THSD7B: variants seen among roughly 807,000 people sequenced by gnomAD.
The protein encoded by THSD7B is thrombospondin type 1 domain containing 7B, also known as thrombospondin type-1 domain-containing protein 7B.
A neutral mutation model predicts 213.6 loss-of-function variants in THSD7B; 138 were observed. The ratio of observed to expected loss-of-function variants is 0.65; its 90% CI spans 0.56 to 0.74. The LOEUF is 0.74. Among genes scored for constraint, THSD7B ranks in the 30% least tolerant of loss-of-function variants. The pLI, the probability that THSD7B is intolerant of heterozygous loss-of-function variation, is 0.00. For synonymous variants in THSD7B, 742 were observed against 687.0 expected (o/e 1.08, Z -1.25); for missense variants, 1,931 against 1,991.5 (o/e 0.97, Z 0.58).
chr2:137,518,477 T>C (rs1478471258), intron 15 of THSD7B, among the ~76,000 whole-genome samples: 1 of 152,172 alleles, frequency 6.6e-6, no homozygotes, highest in Non-Finnish European at 1.5e-5. Context: ...GTCAGGGATG[T>C]GGAAGAAGCA....
At chr2:137,644,648 T>C (rs1318293545) in intron 21 of THSD7B, among the ~76,000 whole-genome samples, 1 of 152,228 alleles carries the variant, frequency 6.6e-6, no homozygotes, top group Admixed American at 6.5e-5. Context: ...TAAATTTATA[T>C]ATAAGCTGGA....
chr2:136,842,700 C>T (rs916652476), intron 1 of THSD7B, among the ~76,000 whole-genome samples: 2 of 152,092 alleles, frequency 1.3e-5, no homozygotes, highest in Non-Finnish European at 2.9e-5. Flanking sequence ...TAATTTCACC[C>T]AAATCACAGA....
chr2:137,454,472 A>G (rs1217597136), intron 15 of THSD7B, among the ~76,000 whole-genome samples: 1 of 143,730 alleles, frequency 7.0e-6, no homozygotes, highest in Non-Finnish European at 1.5e-5. Flanking sequence ...CTATCTATCT[A>G]TCTATGTGTG....
Position 136,803,071 on chromosome 2 carries a change from A to T in THSD7B, c.-36+37384A>T, listed in dbSNP as rs185867315. ...AAATCATTTGATAAACTACCTAGTA[A>T]CATCCTTGATATTATAGATTCCTAT... On this transcript the variant is annotated intron_variant, in intron 1 of 27. Coordinates refer to ENST00000409968, the MANE Select transcript of THSD7B (RefSeq NM_001316349.2). Among the ~76,000 whole-genome samples, 4 of 152,092 alleles carry T rather than the reference A, an allele frequency of 2.6e-5. No individual in the cohort carries two copies. The East Asian group carries it at 7.7e-4, about 29-fold the overall frequency.
chr2:137,299,710 T>A (rs1683554825), intron 12 of THSD7B, among the ~76,000 whole-genome samples: 1 of 152,138 alleles, frequency 6.6e-6, no homozygotes, highest in South Asian at 2.1e-4. Flanking sequence ...TTTAAAAATA[T>A]TAAACTTGTG....
At chr2:137,655,843 A>T (rs1683226326) in intron 22 of THSD7B, among the ~76,000 whole-genome samples, 183 bp downstream of exon 22, 1 of 152,192 alleles carries the variant, frequency 6.6e-6, no homozygotes, top group South Asian at 2.1e-4. Flanking sequence ...AGTAGGCAAA[A>T]GAAAAAAAAA....
intron 15 of THSD7B, among the ~76,000 whole-genome samples, chr2:137,495,721 G>C (rs1679545862): frequency 6.6e-6 from 1 of 152,140 alleles, no homozygotes; most frequent in Non-Finnish European, 1.5e-5. Flanking sequence ...TGAGCAGTGA[G>C]TGGTTACACA....
chr2:137,102,426 G>A (rs1226888083), intron 4 of THSD7B, among the ~76,000 whole-genome samples: 2 of 152,222 alleles, frequency 1.3e-5, no homozygotes, highest in Non-Finnish European at 2.9e-5. Flanking sequence ...CCATGAAGAT[G>A]AGGAAAAGCT....
intron 17 of THSD7B, among the ~76,000 whole-genome samples, chr2:137,597,403 A>G (rs1286160859): frequency 6.6e-6 from 1 of 152,010 alleles, no homozygotes; most frequent in Non-Finnish European, 1.5e-5. Flanking sequence ...AGCCAGCTGT[A>G]AAGGTCATTT....
intron 15 of THSD7B, among the ~76,000 whole-genome samples, chr2:137,533,579 C>T (rs1362798794): frequency 6.6e-6 from 1 of 152,044 alleles, no homozygotes; most frequent in South Asian, 2.1e-4. Context: ...CTTACATAGG[C>T]TTTGTTTAGT....
intron 2 of THSD7B, among the ~76,000 whole-genome samples, chr2:136,904,944 C>T (rs982679040): frequency 3.9e-5 from 6 of 152,166 alleles, no homozygotes; most frequent in African/African-American, 9.7e-5. Context: ...AATGTTGGAG[C>T]GGTACAGCCT....
intron 2 of THSD7B, among the ~76,000 whole-genome samples, chr2:136,934,685 G>A (rs1684690806): frequency 6.6e-6 from 1 of 151,932 alleles, no homozygotes; most frequent in South Asian, 2.1e-4. Flanking sequence ...TATGCACTAG[G>A]GAAAATTTAT....
At chr2:137,559,629 A>G (rs1681064664) in intron 15 of THSD7B, among the ~76,000 whole-genome samples, 3 of 152,222 alleles carry the variant, frequency 2.0e-5, no homozygotes, top group Non-Finnish European at 4.4e-5. Context: ...AAACCTAGGC[A>G]ATACCATTCA....
chr2:137,031,287 G>A (rs949985284), intron 2 of THSD7B, among the ~76,000 whole-genome samples: 5 of 152,330 alleles, frequency 3.3e-5, no homozygotes, highest in African/African-American at 1.2e-4. Context: ...GGAGGTTGCA[G>A]TAAGCCGAGA....
At chr2:136,880,456 T>A (rs566662217) in intron 1 of THSD7B, among the ~76,000 whole-genome samples, 85 of 152,296 alleles carry the variant, frequency 5.6e-4, no homozygotes, top group Non-Finnish European at 1.0e-3. Flanking sequence ...TTATTTTAGA[T>A]CTCCTTCACT....
chr2:137,283,245 C>T (rs145001253), intron 12 of THSD7B, among the ~76,000 whole-genome samples: 11,149 of 152,166 alleles, frequency 0.073, 525 homozygotes, highest in Non-Finnish European at 0.11. Context: ...GTGATTTTTG[C>T]ACATTGATTT....
chr2:136,820,891 CAGAG>C lies in THSD7B; in HGVS notation c.-36+55210_-36+55213del, dbSNP rs149666861. On this transcript the variant is annotated intron_variant, in intron 1 of 27. Transcript: ENST00000409968. ...CTTGAGAGAGGGAGAGAGACAGAGA[CAGAG>C]AGAGAAAGAAAGAATCAAAAAGCAA... Among the ~76,000 whole-genome samples the C allele has an allele frequency of 3.7e-3, 556 of 151,984 alleles. 24 individuals are homozygous for C. The East Asian group carries it at 0.079, about 22-fold the overall frequency.
intron 3 of THSD7B, among the ~76,000 whole-genome samples, chr2:137,084,714 C>A (rs1687807071): frequency 6.6e-6 from 1 of 152,116 alleles, no homozygotes; most frequent in Non-Finnish European, 1.5e-5. Flanking sequence ...GTGGACACAA[C>A]CTGGATTCTA....
At chr2:137,378,463 ACAAG>A (rs1685708564) in intron 12 of THSD7B, among the ~76,000 whole-genome samples, 1 of 152,196 alleles carries the variant, frequency 6.6e-6, no homozygotes. Flanking sequence ...AGCCTCCTTA[ACAAG>A]CAAGCTACTT....
Sources: gnomAD v4.1 joint callset for allele counts (sites outside exome capture counted in the v4.1 genomes callset) on GRCh38, gnomAD v4.1.1 for gene constraint, MANE v1.5 for transcripts, NCBI Gene and HGNC (gene_info 2026-07-23, HGNC 2026-07-21) for gene names.